The following GPC6 variants were observed in gnomAD, a reference collection of about 807,000 sequenced individuals.
GPC6 encodes glypican 6, also known as glypican-6.
In GPC6, 14 loss-of-function variants were observed where a neutral mutation model predicts 55.2. That is an observed-to-expected ratio of 0.25 (90% CI 0.17 to 0.40). The LOEUF is 0.40. Ranked by LOEUF, GPC6 falls within the 10% of genes least tolerant of loss-of-function variation. The probability of loss-of-function intolerance (pLI) is 1.00; values close to 1 mark genes in which losing one functional copy is unlikely to be tolerated. For synonymous variants in GPC6, 278 were observed against 259.6 expected (o/e 1.07, Z -0.68); for missense variants, 641 against 708.5 (o/e 0.90, Z 1.08).
At chr13:93,834,464 C>A (rs1170201289) in intron 3 of GPC6, among the ~76,000 whole-genome samples, 2 of 152,022 alleles carry the variant, frequency 1.3e-5, no homozygotes, top group Non-Finnish European at 2.9e-5. Context: ...TAAAAAGAAT[C>A]AGATGGTGGT....
intron 4 of GPC6, among the ~76,000 whole-genome samples, chr13:94,285,123 G>A (rs997938973): frequency 1.3e-5 from 2 of 152,150 alleles, no homozygotes; most frequent in African/African-American, 4.8e-5. Context: ...ATAAATAGGT[G>A]CCTACTTATA....
chr13:93,515,171 G>A (rs960518175), intron 1 of GPC6, among the ~76,000 whole-genome samples: 1 of 152,066 alleles, frequency 6.6e-6, no homozygotes, highest in Non-Finnish European at 1.5e-5. Flanking sequence ...TGAGTATACG[G>A]TAAGAAGATG....
intron 1 of GPC6, among the ~76,000 whole-genome samples, chr13:93,518,472 C>T (rs940208145): frequency 6.6e-6 from 1 of 151,916 alleles, no homozygotes; most frequent in African/African-American, 2.4e-5. Flanking sequence ...TCATCCTTAG[C>T]TTCACTTCTT....
intron 2 of GPC6, among the ~76,000 whole-genome samples, chr13:93,629,750 A>G (rs966854947): frequency 6.6e-6 from 1 of 152,224 alleles, no homozygotes; most frequent in Non-Finnish European, 1.5e-5. Flanking sequence ...TTTATAGAAT[A>G]GCTGTGCTCT....
intron 3 of GPC6, among the ~76,000 whole-genome samples, chr13:93,859,724 T>C (rs1888747624): frequency 6.6e-6 from 1 of 151,570 alleles, no homozygotes; most frequent in South Asian, 2.1e-4. Context: ...GCATTTTGAT[T>C]TCTGTGAGCT....
At chr13:93,633,510 G>A (rs1462621129) in intron 2 of GPC6, among the ~76,000 whole-genome samples, 1 of 151,946 alleles carries the variant, frequency 6.6e-6, no homozygotes. Flanking sequence ...GCTGGGTGTG[G>A]TGGTAGCTGG....
At chr13:94,104,998 C>T (rs1281337047) in intron 4 of GPC6, among the ~76,000 whole-genome samples, 2 of 152,024 alleles carry the variant, frequency 1.3e-5, no homozygotes, top group South Asian at 2.1e-4. Context: ...AAAAAGAGCC[C>T]GCATTGCCAA....
intron 2 of GPC6, among the ~76,000 whole-genome samples, chr13:93,600,967 G>GAAAAAAAAAAAAAAAAAAAAAA (rs1238312026): frequency 9.0e-6 from 1 of 110,920 alleles, no homozygotes. Context: ...AAAAAAAAAA[G>GAAAAAAAAAAAAAAAAAAAAAA]AAAAAAAAAA....
At chr13:94,358,982 A>G (rs1447031866) in intron 6 of GPC6, among the ~76,000 whole-genome samples, 3 of 152,212 alleles carry the variant, frequency 2.0e-5, no homozygotes, top group African/African-American at 7.2e-5. Flanking sequence ...AAGTAAAATC[A>G]AGTTCTGGAC....
intron 4 of GPC6, among the ~76,000 whole-genome samples, chr13:94,078,871 A>G (rs1449302423): frequency 6.6e-6 from 1 of 151,964 alleles, no homozygotes; most frequent in Non-Finnish European, 1.5e-5. Flanking sequence ...TTGGAAGAGA[A>G]AGGAATCTTT....
At chr13:94,186,001 A>T (rs2138954333) in intron 4 of GPC6, among the ~76,000 whole-genome samples, 1 of 129,472 alleles carries the variant, frequency 7.7e-6, no homozygotes, top group Admixed American at 9.4e-5. Flanking sequence ...CGGAGCTTAC[A>T]GTGAGCCGAG....
intron 4 of GPC6, among the ~76,000 whole-genome samples, chr13:94,163,825 AC>A (rs1888254872): frequency 1.3e-5 from 2 of 152,298 alleles, no homozygotes; most frequent in South Asian, 2.1e-4. Flanking sequence ...GATTTAGGAC[AC>A]TTGGAAAGGC....
chr13:94,382,438 A>C lies in GPC6; in HGVS notation c.1177A>C (p.Lys393Gln). Residue 393 changes from lysine (K) to glutamine (Q), a missense_variant, in exon 7 of 9, where the codon AAG (lysine) becomes CAG (glutamine). Lys to Gln is a moderately conservative substitution (Grantham distance 53, BLOSUM62 1). Coordinates refer to ENST00000377047, the MANE Select transcript of GPC6 (RefSeq NM_005708.5). ...RLVTDIKEKL[K>Q]LSKKVWSALP... ...GGTCACAGACATAAAAGAGAAATTGAAGCTCTCTAAAAAGGTCTGGTCAGC... is the reference window on the plus strand; with the variant it reads ...GGTCACAGACATAAAAGAGAAATTGCAGCTCTCTAAAAAGGTCTGGTCAGC... 6.2e-7 allele frequency: 1 copy of C among 1,614,084 alleles called. No individual in the cohort carries two copies.
chr13:94,374,430 A>G (rs909684704), intron 6 of GPC6, among the ~76,000 whole-genome samples: 51 of 149,014 alleles, frequency 3.4e-4, no homozygotes, highest in Non-Finnish European at 5.9e-4. Context: ...CTCTGATAAA[A>G]CAGACTTTAA....
chr13:93,368,267 TCCTCCCTCCCTCCTTC>T (rs1881319029), intron 1 of GPC6, among the ~76,000 whole-genome samples: 1 of 148,894 alleles, frequency 6.7e-6, no homozygotes, highest in Non-Finnish European at 1.5e-5. Flanking sequence ...TGCCTCCCTT[TCCTCCCTCCCTCCTTC>T]CCTCCCTCCC....
chr13:94,024,611 AC>A (rs1882823103), intron 3 of GPC6, among the ~76,000 whole-genome samples: 2 of 152,266 alleles, frequency 1.3e-5, no homozygotes, highest in East Asian at 1.9e-4. Context: ...TTCCAGAAGT[AC>A]TAGGAGACCC....
intron 4 of GPC6, among the ~76,000 whole-genome samples, chr13:94,210,937 C>T (rs929518197): frequency 6.6e-6 from 1 of 152,174 alleles, no homozygotes; most frequent in Non-Finnish European, 1.5e-5. Flanking sequence ...GGAGTTTACA[C>T]TTGTAAATCA....
At chr13:93,551,176 A>G (rs1690680483) in intron 2 of GPC6, among the ~76,000 whole-genome samples, 1 of 152,200 alleles carries the variant, frequency 6.6e-6, no homozygotes, top group South Asian at 2.1e-4. Flanking sequence ...AGTCTGTCAG[A>G]CATATTGTAA....
At chr13:94,364,562 T>C (rs1047272638) in intron 6 of GPC6, among the ~76,000 whole-genome samples, 3 of 152,218 alleles carry the variant, frequency 2.0e-5, no homozygotes, top group Non-Finnish European at 4.4e-5. Context: ...TTGTAAAATA[T>C]TGATTTTACT....
Sources: allele counts gnomAD v4.1 joint callset (sites outside exome capture counted in the v4.1 genomes callset), GRCh38; gene constraint gnomAD v4.1.1; transcripts MANE v1.5; gene names NCBI Gene and HGNC (gene_info 2026-07-23, HGNC 2026-07-21).